Variants in PIEZO2 observed in about 807,000 individuals in gnomAD.
PIEZO2 encodes piezo type mechanosensitive ion channel component 2, also known as piezo-type mechanosensitive ion channel component 2.
PIEZO2 carries 172 observed loss-of-function variants against 337.3 expected under a neutral mutation model. The ratio of observed to expected loss-of-function variants is 0.51; its 90% confidence interval spans 0.45 to 0.58. The LOEUF is 0.58. Among genes scored for constraint, PIEZO2 ranks in the 20% least tolerant of loss-of-function variants. The pLI is 0.00. For synonymous variants in PIEZO2, 1,251 were observed against 1,228.5 expected, an observed-to-expected ratio of 1.02 and a Z score of -0.38; for missense variants, 3,028 against 3,391.3, an observed-to-expected ratio of 0.89 and a Z score of 2.66.
rs1007918552 is a variant in PIEZO2 at position 10,945,999 on chromosome 18, G to T, written c.286+33536C>A. ...GAAAAACAGTCAATAAAAATAAAGAGTATTACTGAGGTACAGGTGACTCCA... is the reference window on the plus strand; with the variant it reads ...GAAAAACAGTCAATAAAAATAAAGATTATTACTGAGGTACAGGTGACTCCA... On this transcript the variant is annotated intron_variant, in intron 3 of 55. Coordinates refer to ENST00000674853, the MANE Select transcript of PIEZO2 (RefSeq NM_001378183.1). The surrounding 1 kb of genome is among the most constrained non-coding windows in gnomAD (Gnocchi z 4.0). Among the ~76,000 whole-genome samples, 1 of 152,136 alleles carries T rather than the reference G, an allele frequency of 6.6e-6. No individual in the cohort carries two copies. The highest frequency in any genetic ancestry group is 1.5e-5 in the Non-Finnish European group (1 of 68,020).
chr18:10,819,817 G>T lies in PIEZO2; in HGVS notation c.918-12543C>A, dbSNP rs2040470694. ...TTCTACCTGAAATCATTTTCCTTAA[G>T]TCTGAAGAGCATCCTCTAATATTTG... On this transcript the variant is annotated intron_variant, in intron 7 of 55. Transcript: ENST00000674853. This position sits in a 1 kb window ranked among gnomAD's most constrained non-coding sequence, Gnocchi z 4.3. Among the ~76,000 whole-genome samples, 1 of 152,178 alleles carries T rather than the reference G, an allele frequency of 6.6e-6. No homozygotes were observed. The highest frequency in any genetic ancestry group is 1.5e-5 in the Non-Finnish European group (1 of 68,016).
At chr18:10,680,126 A>T in intron 52 of PIEZO2, 73 bp downstream of exon 52, 1 of 1,332,150 alleles carries the variant, frequency 7.5e-7, no homozygotes. Context: ...CCATCCCACC[A>T]CACCCTCCCT....
intron 4 of PIEZO2, among the ~76,000 whole-genome samples, chr18:10,889,499 G>A (rs1377619727): frequency 2.0e-5 from 3 of 152,178 alleles, no homozygotes; most frequent in Non-Finnish European, 4.4e-5. Flanking sequence ...TATGTTTTTG[G>A]AAGATGACGG....
chr18:11,137,692 A>G (rs1157871762), intron 1 of PIEZO2, among the ~76,000 whole-genome samples: 1 of 152,160 alleles, frequency 6.6e-6, no homozygotes, highest in Non-Finnish European at 1.5e-5. Context: ...GGGAGATGGC[A>G]GGAGCAGGGA....
chr18:10,724,715 G>C lies in PIEZO2; in HGVS notation c.5030-6456C>G. On this transcript the variant is annotated intron_variant, in intron 36 of 55. Transcript: ENST00000674853. This position sits in a 1 kb window ranked among gnomAD's most constrained non-coding sequence, Gnocchi z 5.8. Reference sequence around the variant, plus strand: ...CGTCATAGGCTGAAGCACTCAGACCGAGATGGGCCACCACTGTACCCCTGG... The same window carrying C: ...CGTCATAGGCTGAAGCACTCAGACCCAGATGGGCCACCACTGTACCCCTGG... The C allele has an allele frequency of 7.1e-7, 1 of 1,406,472 alleles. No homozygotes were observed. Among genetic ancestry groups the C allele is most frequent in the Non-Finnish European group, 9.7e-7 (1 of 1,028,234 alleles). The allele number at this position is 1,406,472 out of a possible 1,614,324, so 87.1% of individuals were successfully genotyped here.
intron 3 of PIEZO2, among the ~76,000 whole-genome samples, chr18:10,944,999 G>A (rs376510988): frequency 6.6e-6 from 1 of 152,128 alleles, no homozygotes; most frequent in Non-Finnish European, 1.5e-5. Flanking sequence ...TACTCCCTCA[G>A]TAGAGGAGAC....
intron 2 of PIEZO2, among the ~76,000 whole-genome samples, chr18:10,985,601 A>G (rs1359831990): frequency 6.6e-6 from 1 of 152,038 alleles, no homozygotes; most frequent in African/African-American, 2.4e-5. Context: ...TCGTAATACA[A>G]TTTGAAATCA....
At position 10,784,178 on chromosome 18, in the gene PIEZO2, G is replaced by A. The variant is rs1048021063; in HGVS notation, c.2492+606C>T. Reference sequence around the variant, plus strand: ...AACCCATTGTGGTTTGAATAAATACGGGCAGGAAAAGTAATATCCCATCTG... The same window carrying A: ...AACCCATTGTGGTTTGAATAAATACAGGCAGGAAAAGTAATATCCCATCTG... On this transcript the variant is annotated intron_variant, in intron 17 of 55. Coordinates refer to ENST00000674853, the MANE Select transcript of PIEZO2 (RefSeq NM_001378183.1). The surrounding 1 kb of genome is among the most constrained non-coding windows in gnomAD (Gnocchi z 4.5). Among the ~76,000 whole-genome samples the A allele has an allele frequency of 7.9e-5, 12 of 152,104 alleles. No homozygotes were observed. Among genetic ancestry groups the A allele is most frequent in the African/African-American group, 1.4e-4 (6 of 41,412 alleles).
chr18:11,068,576 TA>T (rs892412697), intron 1 of PIEZO2, among the ~76,000 whole-genome samples: 16 of 149,032 alleles, frequency 1.1e-4, no homozygotes, highest in South Asian at 4.3e-4. Context: ...AATGCTTACA[TA>T]AAAAAAAAGA....
At chr18:11,045,547 A>G (rs2037282929) in intron 2 of PIEZO2, among the ~76,000 whole-genome samples, 1 of 152,214 alleles carries the variant, frequency 6.6e-6, no homozygotes, top group East Asian at 1.9e-4. Context: ...GTGGCATCAA[A>G]TAGATGAACG....
intron 3 of PIEZO2, among the ~76,000 whole-genome samples, chr18:10,944,796 C>T (rs531283260): frequency 6.6e-6 from 1 of 151,750 alleles, no homozygotes; most frequent in South Asian, 2.1e-4. Flanking sequence ...AAAAGCAAAA[C>T]AAATAAAAGC....
intron 21 of PIEZO2, among the ~76,000 whole-genome samples, chr18:10,765,353 C>T (rs919061574): frequency 2.0e-5 from 3 of 152,118 alleles, no homozygotes; most frequent in Admixed American, 6.5e-5. Context: ...AAAACCCATC[C>T]AGCGTCTTAG....
chr18:10,903,881 T>C lies in PIEZO2; in HGVS notation c.329+7305A>G, dbSNP rs980811783. ...AGCTTTCACAGACAACTCCCATCCC[T>C]GTCCCCCAACTATGCAGCCAGGCCT... On this transcript the variant is annotated intron_variant, in intron 4 of 55. Coordinates refer to ENST00000674853, the MANE Select transcript of PIEZO2 (RefSeq NM_001378183.1). The surrounding 1 kb of genome is among the most constrained non-coding windows in gnomAD (Gnocchi z 4.1). Among the ~76,000 whole-genome samples the C allele has an allele frequency of 1.3e-5, 2 of 152,156 alleles. No homozygotes were observed. The highest frequency in any genetic ancestry group is 1.9e-4 in the East Asian group (1 of 5,186).
Position 11,143,625 on chromosome 18 carries a change from A to ACT in PIEZO2, c.64+4899_64+4900insAG, listed in dbSNP as rs1568412608. ...AACACACACACACACACACACACAC[A>ACT]CACACACACACACACTCTCTCTCTC... On this transcript the variant is annotated intron_variant, in intron 1 of 55. Transcript: ENST00000674853. The surrounding 1 kb of genome is among the most constrained non-coding windows in gnomAD (Gnocchi z 4.9). Among the ~76,000 whole-genome samples, 90 of 140,884 alleles carry ACT rather than the reference A, an allele frequency of 6.4e-4. No individual in the cohort carries two copies. In the Middle Eastern group the frequency reaches 0.011, roughly 17 times the overall value. The allele number at this position is 140,884 out of a possible 152,430, so 92.4% of individuals were successfully genotyped here. A position where few individuals can be genotyped will look rare whatever the true frequency, so the allele number is the denominator to read the frequency against.
At chr18:11,013,718 A>C (rs945892733) in intron 2 of PIEZO2, among the ~76,000 whole-genome samples, 4 of 152,290 alleles carry the variant, frequency 2.6e-5, no homozygotes, top group African/African-American at 4.8e-5. Flanking sequence ...GAACATTTAG[A>C]GTCCACCTGG....
rs2040172175 is a variant in PIEZO2 at position 11,126,047 on chromosome 18, A to C, written c.64+22478T>G. Among the ~76,000 whole-genome samples the C allele has an allele frequency of 6.6e-6, 1 of 152,136 alleles. No individual in the cohort carries two copies. The highest frequency in any genetic ancestry group is 2.1e-4 in the South Asian group (1 of 4,822). On this transcript the variant is annotated intron_variant, in intron 1 of 55. Transcript: ENST00000674853. The surrounding 1 kb of genome is among the most constrained non-coding windows in gnomAD (Gnocchi z 4.6). ...TCCATTTATTTTCCAAAATACGTTAACTTTCAGTCTGTACTTACCCTTAGA... is the reference window on the plus strand; with the variant it reads ...TCCATTTATTTTCCAAAATACGTTACCTTTCAGTCTGTACTTACCCTTAGA...
At chr18:10,906,060 A>C (rs986916399) in intron 4 of PIEZO2, among the ~76,000 whole-genome samples, 1 of 152,206 alleles carries the variant, frequency 6.6e-6, no homozygotes, top group Non-Finnish European at 1.5e-5. Flanking sequence ...GCTTGCTGAC[A>C]GACAGAGCTA....
intron 7 of PIEZO2, among the ~76,000 whole-genome samples, chr18:10,845,046 A>C (rs1268237605): frequency 6.6e-6 from 1 of 152,186 alleles, no homozygotes; most frequent in Non-Finnish European, 1.5e-5. Flanking sequence ...CTAGTTAACT[A>C]TGAGGACAAT....
chr18:10,960,029 T>C (rs1239254020), intron 3 of PIEZO2, among the ~76,000 whole-genome samples: 13 of 152,188 alleles, frequency 8.5e-5, no homozygotes, highest in Non-Finnish European at 1.8e-4. Flanking sequence ...TTTATATTTG[T>C]ACAAGTCCAC....
Sources: allele counts gnomAD v4.1 joint callset (sites outside exome capture counted in the v4.1 genomes callset), GRCh38; gene constraint gnomAD v4.1.1; non-coding constraint Gnocchi (gnomAD v3.1); transcripts MANE v1.5; gene names NCBI Gene and HGNC (gene_info 2026-07-23, HGNC 2026-07-21).